TDRD5: variants seen among roughly 807,000 people sequenced by gnomAD.
TDRD5 encodes the protein tudor domain-containing protein 5.
TDRD5 carries 41 observed loss-of-function variants against 120.6 expected under a neutral mutation model. The ratio of observed to expected loss-of-function variants is 0.34; its 90% confidence interval spans 0.26 to 0.44. The LOEUF is 0.44. TDRD5 is among the 20% of genes least tolerant of loss of function. TDRD5 has a pLI of 1.00. For missense variants in TDRD5, 1,006 were observed against 1,221.2 expected (o/e 0.82, Z 2.63); for synonymous variants, 430 against 433.7 (o/e 0.99, Z 0.11).
At chr1:179,645,060 G>A (rs554860736) in intron 11 of TDRD5, among the ~76,000 whole-genome samples, 9 of 137,624 alleles carry the variant, frequency 6.5e-5, no homozygotes, top group African/African-American at 2.2e-4. Flanking sequence ...AAGTTTCTCA[G>A]TTTATAAACA....
intron 4 of TDRD5, among the ~76,000 whole-genome samples, chr1:179,614,348 A>T (rs547779170): frequency 7.9e-5 from 12 of 152,328 alleles, no homozygotes; most frequent in African/African-American, 2.9e-4. Flanking sequence ...TGAATGTGCC[A>T]TAATTTTAAA....
At chr1:179,631,837 A>T in intron 7 of TDRD5, among the ~76,000 whole-genome samples, 1 of 119,844 alleles carries the variant, frequency 8.3e-6, no homozygotes, top group Non-Finnish European at 1.7e-5. Context: ...ACCACATTGC[A>T]TTTAGGGCAC....
At position 179,616,882 on chromosome 1, in the gene TDRD5, A is replaced by T. The variant is rs114477320; in HGVS notation, c.832-1717A>T. 2.2e-3 allele frequency among the ~76,000 whole-genome samples: 337 copies of T among 152,256 alleles called. 6 individuals carry two copies. The highest frequency in any genetic ancestry group is 7.7e-3 in the African/African-American group (318 of 41,566). Reference sequence around the variant, plus strand: ...TAAGTGCCCTGAGAGGAATTACACCATCAAAGGTAATCTTTTTTTGTCCCT... The same window carrying T: ...TAAGTGCCCTGAGAGGAATTACACCTTCAAAGGTAATCTTTTTTTGTCCCT... On this transcript the variant is annotated intron_variant, in intron 4 of 17. Coordinates refer to ENST00000444136, the MANE Select transcript of TDRD5 (RefSeq NM_001199085.3).
chr1:179,652,789 C>T (rs985573285), intron 13 of TDRD5, among the ~76,000 whole-genome samples: 1 of 152,106 alleles, frequency 6.6e-6, no homozygotes, highest in Non-Finnish European at 1.5e-5. Flanking sequence ...ATTTTTGAGT[C>T]CTGACATGAT....
At chr1:179,682,236 G>A (rs1447142443) in intron 17 of TDRD5, among the ~76,000 whole-genome samples, 1 of 151,156 alleles carries the variant, frequency 6.6e-6, no homozygotes, top group Non-Finnish European at 1.5e-5. Flanking sequence ...TACATTGTTG[G>A]CTTAATTTCT....
At chr1:179,617,296 A>G (rs954104229) in intron 4 of TDRD5, among the ~76,000 whole-genome samples, 1 of 152,176 alleles carries the variant, frequency 6.6e-6, no homozygotes, top group African/African-American at 2.4e-5. Flanking sequence ...TCAGTTCCAG[A>G]GGGAGAATCC....
At chr1:179,624,556 A>G (rs567751852) in intron 6 of TDRD5, among the ~76,000 whole-genome samples, 8 of 152,360 alleles carry the variant, frequency 5.3e-5, no homozygotes, top group African/African-American at 1.9e-4. Context: ...GAACTAACTT[A>G]TTAGGTCAAA....
intron 4 of TDRD5, among the ~76,000 whole-genome samples, chr1:179,615,651 C>T (rs559664812): frequency 6.6e-6 from 1 of 152,256 alleles, no homozygotes; most frequent in South Asian, 2.1e-4. Context: ...TCTTACTTTT[C>T]CATTCCACAT....
At chr1:179,613,906 T>C (rs994982035) in intron 4 of TDRD5, among the ~76,000 whole-genome samples, 1 of 152,212 alleles carries the variant, frequency 6.6e-6, no homozygotes, top group Admixed American at 6.5e-5. Context: ...TCTGTGCCAG[T>C]TTTGTGATCT....
intron 17 of TDRD5, among the ~76,000 whole-genome samples, chr1:179,670,976 T>C (rs940288872): frequency 2.6e-5 from 4 of 152,226 alleles, no homozygotes; most frequent in Non-Finnish European, 5.9e-5. Context: ...CATTTTCTTA[T>C]AAAATTTTTG....
At chr1:179,657,960 C>T (rs1368719669) in intron 14 of TDRD5, among the ~76,000 whole-genome samples, 1 of 152,132 alleles carries the variant, frequency 6.6e-6, no homozygotes, top group East Asian at 1.9e-4. Flanking sequence ...ACTTACTCCT[C>T]CTGTCTACTG....
At chr1:179,686,111 G>T (rs1215860474) in intron 17 of TDRD5, among the ~76,000 whole-genome samples, 1 of 152,146 alleles carries the variant, frequency 6.6e-6, no homozygotes, top group Non-Finnish European at 1.5e-5. Flanking sequence ...GGGCATCCCT[G>T]TCTTGTGGCA....
At chr1:179,679,109 T>C (rs931083330) in intron 17 of TDRD5, among the ~76,000 whole-genome samples, 1 of 152,224 alleles carries the variant, frequency 6.6e-6, no homozygotes, top group African/African-American at 2.4e-5. Context: ...ATTCTGCGTC[T>C]ATTGAGATGG....
intron 6 of TDRD5, among the ~76,000 whole-genome samples, chr1:179,623,109 G>A (rs1048873633): frequency 1.3e-5 from 2 of 152,114 alleles, no homozygotes; most frequent in African/African-American, 4.8e-5. Flanking sequence ...CAAAAGAAAA[G>A]TACTGTTAAC....
At chr1:179,648,175 T>C (rs1348121618) in intron 11 of TDRD5, among the ~76,000 whole-genome samples, 1 of 143,812 alleles carries the variant, frequency 7.0e-6, no homozygotes, top group Non-Finnish European at 1.5e-5. Flanking sequence ...TTATTCACAA[T>C]AGCAAAGACT....
chr1:179,674,504 TTTG>T (rs1192370610), intron 17 of TDRD5, among the ~76,000 whole-genome samples: 2 of 152,298 alleles, frequency 1.3e-5, no homozygotes, highest in Admixed American at 6.5e-5. Flanking sequence ...GTAGTTTTTT[TTTG>T]TTGTTGTTAT....
intron 14 of TDRD5, among the ~76,000 whole-genome samples, chr1:179,654,789 T>TA (rs757544971): frequency 2.0e-5 from 3 of 151,712 alleles, no homozygotes; most frequent in East Asian, 1.9e-4. Context: ...GTAAAATAAG[T>TA]AAAAAAATGT....
At chr1:179,660,686 A>C (rs1311503775) in intron 14 of TDRD5, among the ~76,000 whole-genome samples, 3 of 152,096 alleles carry the variant, frequency 2.0e-5, no homozygotes, top group African/African-American at 7.2e-5. Flanking sequence ...ACCTGCATAT[A>C]ATTTATGATG....
chr1:179,663,606 T>A, intron 16 of TDRD5, 115 bp downstream of exon 16: 1 of 1,327,290 alleles, frequency 7.5e-7, no homozygotes, highest in Non-Finnish European at 1.0e-6. Flanking sequence ...CTTAACAGCT[T>A]GCTGTAGCTG....
Sources: gnomAD v4.1 joint callset for allele counts (sites outside exome capture counted in the v4.1 genomes callset) on GRCh38, gnomAD v4.1.1 for gene constraint, MANE v1.5 for transcripts, NCBI Gene and HGNC (gene_info 2026-07-23, HGNC 2026-07-21) for gene names.